FOXP2: variants seen among roughly 807,000 people sequenced by gnomAD.
The protein encoded by FOXP2 is forkhead box P2.
In FOXP2, 12 loss-of-function variants were observed where a neutral mutation model predicts 115.8. That is an observed-to-expected ratio of 0.10 (90% CI 0.07 to 0.17). FOXP2 has a LOEUF of 0.17. FOXP2 is among the 10% of genes least tolerant of loss of function. The pLI, the probability that FOXP2 is intolerant of heterozygous loss-of-function variation, is 1.00. For missense variants in FOXP2, 629 were observed against 843.5 expected (o/e 0.75, Z 3.15); for synonymous variants, 328 against 297.7 (o/e 1.10, Z -1.05).
intron 3 of FOXP2, among the ~76,000 whole-genome samples, chr7:114,562,839 T>C (rs1366378410): frequency 1.3e-5 from 2 of 152,182 alleles, no homozygotes; most frequent in Non-Finnish European, 2.9e-5. Flanking sequence ...CATTCCTTTT[T>C]TGACACATTA....
chr7:114,284,600 C>T (rs574654346), intron 1 of FOXP2, among the ~76,000 whole-genome samples: 44 of 152,218 alleles, frequency 2.9e-4, no homozygotes, highest in Non-Finnish European at 4.0e-4. Flanking sequence ...AATGCTTATA[C>T]GTTGTTGGTG....
chr7:114,492,840 T>G (rs1797129417), intron 2 of FOXP2, among the ~76,000 whole-genome samples: 2 of 152,192 alleles, frequency 1.3e-5, no homozygotes, highest in South Asian at 4.1e-4. Flanking sequence ...AACTATGTGG[T>G]CAGTTTTGGA....
chr7:114,342,215 A>T (rs1362368058), intron 2 of FOXP2, among the ~76,000 whole-genome samples: 1 of 151,462 alleles, frequency 6.6e-6, no homozygotes, highest in African/African-American at 2.4e-5. Context: ...TATGAAGTTC[A>T]AATCAATAAA....
chr7:114,383,781 A>G lies in FOXP2; in HGVS notation c.-10-42721A>G, dbSNP rs188953261. Among the ~76,000 whole-genome samples the G allele has an allele frequency of 1.1e-4, 17 of 152,234 alleles. No individual in the cohort carries two copies. In the East Asian group the frequency reaches 2.7e-3, roughly 24 times the overall value. On this transcript the variant is annotated intron_variant, in intron 2 of 17. Transcript: ENST00000634411. The stretch of plus-strand genomic sequence containing the variant: ...TACGGGCATTTTTGCCTTGGGGGGA[A>G]CATTTCCCATCTGAAAAAAGAACAT...
At chr7:114,568,298 G>A (rs1365504370) in intron 3 of FOXP2, among the ~76,000 whole-genome samples, 1 of 151,662 alleles carries the variant, frequency 6.6e-6, no homozygotes, top group Non-Finnish European at 1.5e-5. Flanking sequence ...GTTAGTCAGT[G>A]TTTCTGGTTG....
intron 3 of FOXP2, among the ~76,000 whole-genome samples, chr7:114,549,981 TA>T (rs1169119266): frequency 6.6e-6 from 1 of 152,112 alleles, no homozygotes; most frequent in East Asian, 1.9e-4. Context: ...TTATTTGCAG[TA>T]AGGCATTTTG....
At position 114,260,413 on chromosome 7, in the gene FOXP2, T is replaced by C. The variant is rs182999088; in HGVS notation, c.-101-27606T>C. Among the ~76,000 whole-genome samples, 169 of 152,236 alleles carry C rather than the reference T, an allele frequency of 1.1e-3. 1 individual carries two copies. Among genetic ancestry groups the C allele is most frequent in the African/African-American group, 3.8e-3 (159 of 41,528 alleles). On this transcript the variant is annotated intron_variant, in intron 1 of 17. Transcript: ENST00000634411. ...CAAATTTGAAAACCGTCTGCCGCCA[T>C]TATTGATTAATGGGTCCTAGTAAGT...
intron 2 of FOXP2, among the ~76,000 whole-genome samples, chr7:114,443,493 G>A (rs553696172): frequency 2.0e-5 from 3 of 152,078 alleles, no homozygotes; most frequent in South Asian, 4.2e-4. Context: ...TGTGTGTCAC[G>A]GCGTTTTAGT....
At chr7:114,203,340 T>A (rs1202820990) in intron 1 of FOXP2, among the ~76,000 whole-genome samples, 2 of 152,268 alleles carry the variant, frequency 1.3e-5, no homozygotes, top group Admixed American at 6.5e-5. Context: ...CATCTTTTTT[T>A]ATTTTTTTTG....
At chr7:114,158,343 G>A (rs1420093071), upstream of FOXP2, among the ~76,000 whole-genome samples, 1 of 152,056 alleles carries the variant, frequency 6.6e-6, no homozygotes, top group Non-Finnish European at 1.5e-5. Flanking sequence ...GAGCTTGCAA[G>A]TATTATTTGT....
At chr7:114,395,033 A>C (rs1181280321) in intron 2 of FOXP2, among the ~76,000 whole-genome samples, 1 of 152,186 alleles carries the variant, frequency 6.6e-6, no homozygotes, top group Non-Finnish European at 1.5e-5. Flanking sequence ...GTACACTGAA[A>C]TATTGGGAGG....
At chr7:114,431,327 C>A (rs1275238535) in intron 2 of FOXP2, among the ~76,000 whole-genome samples, 1 of 151,904 alleles carries the variant, frequency 6.6e-6, no homozygotes, top group African/African-American at 2.4e-5. Context: ...TGTGCGCTGA[C>A]TCTGTAAGTT....
chr7:114,620,567 C>T (rs1439764962), intron 3 of FOXP2, among the ~76,000 whole-genome samples: 13 of 152,016 alleles, frequency 8.6e-5, no homozygotes, highest in African/African-American at 3.1e-4. Flanking sequence ...GAAGTCTTTT[C>T]AGACAGGATG....
intron 7 of FOXP2, among the ~76,000 whole-genome samples, 187 bp downstream of exon 7, chr7:114,642,810 A>ATT (rs1277733394): frequency 5.3e-4 from 40 of 75,752 alleles, no homozygotes; most frequent in African/African-American, 1.7e-3. Flanking sequence ...ATATATATAT[A>ATT]TATTTTTTTT....
At chr7:114,392,820 C>T (rs1001130560) in intron 2 of FOXP2, among the ~76,000 whole-genome samples, 1 of 152,182 alleles carries the variant, frequency 6.6e-6, no homozygotes, top group South Asian at 2.1e-4. Flanking sequence ...ACTTTTGAAC[C>T]AGTGTCAGAT....
At chr7:114,388,626 C>T (rs2129193665) in intron 2 of FOXP2, among the ~76,000 whole-genome samples, 1 of 152,150 alleles carries the variant, frequency 6.6e-6, no homozygotes, top group African/African-American at 2.4e-5. Flanking sequence ...AGATCATACA[C>T]TTTACTAACT....
At chr7:114,575,110 A>C (rs1001034848) in intron 3 of FOXP2, among the ~76,000 whole-genome samples, 6 of 151,850 alleles carry the variant, frequency 4.0e-5, no homozygotes, top group Non-Finnish European at 7.4e-5. Context: ...CACAACACCA[A>C]ATAATCCACC....
chr7:114,382,439 G>A (rs758882780), intron 2 of FOXP2, among the ~76,000 whole-genome samples: 6 of 152,172 alleles, frequency 3.9e-5, no homozygotes, highest in South Asian at 2.1e-4. Flanking sequence ...GGGCATGGAC[G>A]AGGTGGTGGC....
intron 3 of FOXP2, among the ~76,000 whole-genome samples, chr7:114,581,017 T>C (rs961579778): frequency 1.2e-4 from 18 of 150,256 alleles, no homozygotes; most frequent in African/African-American, 4.2e-4. Context: ...TCTATAGCAG[T>C]AGAGAACCAG....
Sources: gnomAD v4.1 joint callset for allele counts (sites outside exome capture counted in the v4.1 genomes callset) on GRCh38, gnomAD v4.1.1 for gene constraint, MANE v1.5 for transcripts, NCBI Gene and HGNC (gene_info 2026-07-23, HGNC 2026-07-21) for gene names.